The following GALNT13 variants were observed in gnomAD, a reference collection of about 807,000 sequenced individuals.
The protein encoded by GALNT13 is polypeptide N-acetylgalactosaminyltransferase 13, also known as UDP-GalNAc:polypeptide N-acetylgalactosaminyltransferase 13.
In GALNT13, 28 loss-of-function variants were observed where a neutral mutation model predicts 64.2. The observed-to-expected ratio is 0.44, with a 90% CI of 0.32 to 0.60. The LOEUF is 0.60. Among genes scored for constraint, GALNT13 ranks in the 20% least tolerant of loss-of-function variants. The pLI, the probability that GALNT13 is intolerant of heterozygous loss-of-function variation, is 0.05. For synonymous variants in GALNT13, 214 were observed against 224.6 expected (o/e 0.95, Z 0.42); for missense variants, 577 against 669.8 (o/e 0.86, Z 1.53).
At chr2:154,398,514 T>C (rs189344668) in intron 10 of GALNT13, among the ~76,000 whole-genome samples, 3 of 131,940 alleles carry the variant, frequency 2.3e-5, no homozygotes, top group African/African-American at 9.2e-5. Context: ...AGCTATCTTC[T>C]AAATGGATCA....
intron 2 of GALNT13, among the ~76,000 whole-genome samples, chr2:153,932,936 CT>C (rs1194504201): frequency 1.3e-5 from 2 of 151,962 alleles, no homozygotes; most frequent in Non-Finnish European, 1.5e-5. Flanking sequence ...CCCGACAGAT[CT>C]TCTTAGTTTT....
At chr2:153,150,854 CA>C in the GALNT13 span, among the ~76,000 whole-genome samples, 1 of 152,066 alleles carries the variant, frequency 6.6e-6, no homozygotes, top group Non-Finnish European at 1.5e-5. Context: ...GTATCAGTAC[CA>C]TGCTATTTTA....
chr2:153,752,564 A>ACT, the GALNT13 span, among the ~76,000 whole-genome samples: 1 of 151,692 alleles, frequency 6.6e-6, no homozygotes, highest in Non-Finnish European at 1.5e-5. Context: ...ATGTCATGCC[A>ACT]CTCTCTCTCT....
the GALNT13 span, among the ~76,000 whole-genome samples, chr2:153,396,081 G>C: frequency 2.6e-5 from 4 of 152,030 alleles, no homozygotes; most frequent in Non-Finnish European, 4.4e-5. Flanking sequence ...TACAAAATCA[G>C]GCAGCAGGCT....
intron 3 of GALNT13, 127 bp from the exon 4 acceptor site, chr2:154,140,210 G>A: frequency 1.6e-6 from 1 of 638,514 alleles, no homozygotes. Context: ...GTAAAATCTT[G>A]ATCATTATAT....
chr2:153,719,290 G>A, the GALNT13 span, among the ~76,000 whole-genome samples: 15 of 152,110 alleles, frequency 9.9e-5, no homozygotes, highest in Non-Finnish European at 1.9e-4. Context: ...CTTATCTATA[G>A]TCCCCTCTAA....
the GALNT13 span, among the ~76,000 whole-genome samples, chr2:153,758,079 C>T: frequency 6.6e-6 from 1 of 152,014 alleles, no homozygotes; most frequent in Non-Finnish European, 1.5e-5. Context: ...ATAGTTTTCC[C>T]CTGTTCTTTT....
intron 1 of GALNT13, among the ~76,000 whole-genome samples, chr2:153,898,836 T>C (rs1688043251): frequency 6.9e-6 from 1 of 144,926 alleles, no homozygotes; most frequent in Non-Finnish European, 1.5e-5. Flanking sequence ...TAAAGGTAAA[T>C]TCTTCCTCCA....
chr2:154,415,870 C>CT (rs34183306), intron 11 of GALNT13, among the ~76,000 whole-genome samples: 1 of 152,044 alleles, frequency 6.6e-6, no homozygotes, highest in Non-Finnish European at 1.5e-5. Context: ...AATTTGGTCC[C>CT]TTTTTAGTAG....
At chr2:154,342,925 T>G (rs574473598) in intron 9 of GALNT13, among the ~76,000 whole-genome samples, 1 of 152,110 alleles carries the variant, frequency 6.6e-6, no homozygotes, top group South Asian at 2.1e-4. Context: ...TTCATTTGCC[T>G]GAGGTAAGCT....
the GALNT13 span, among the ~76,000 whole-genome samples, chr2:153,709,468 A>T: frequency 6.6e-6 from 1 of 152,082 alleles, no homozygotes; most frequent in Non-Finnish European, 1.5e-5. Flanking sequence ...AGAATTAGCT[A>T]TTATTAAAAA....
chr2:153,161,459 A>G, the GALNT13 span, among the ~76,000 whole-genome samples: 2 of 152,210 alleles, frequency 1.3e-5, no homozygotes, highest in African/African-American at 4.8e-5. Context: ...TAAATTTTAT[A>G]ATATTTAAAA....
intron 11 of GALNT13, among the ~76,000 whole-genome samples, chr2:154,424,620 G>A (rs116089549): frequency 2.7e-4 from 41 of 152,294 alleles, no homozygotes; most frequent in African/African-American, 9.6e-4. Flanking sequence ...GCTGAGGGCA[G>A]ATGATGTATA....
intron 11 of GALNT13, among the ~76,000 whole-genome samples, chr2:154,419,659 T>G (rs1700167097): frequency 6.6e-6 from 1 of 152,144 alleles, no homozygotes; most frequent in Admixed American, 6.6e-5. Flanking sequence ...GTTATATGAT[T>G]CCTTGTGTCC....
intron 3 of GALNT13, among the ~76,000 whole-genome samples, chr2:153,986,101 A>C (rs147161229): frequency 8.5e-4 from 130 of 152,160 alleles, no homozygotes; most frequent in Non-Finnish European, 1.5e-3. Context: ...TCTGGCAGTA[A>C]AAAGACTGTA....
intron 11 of GALNT13, among the ~76,000 whole-genome samples, chr2:154,430,467 G>A (rs376528356): frequency 6.6e-6 from 1 of 152,148 alleles, no homozygotes; most frequent in Non-Finnish European, 1.5e-5. Context: ...GCACTCTCAA[G>A]CTAAAACTTT....
chr2:154,151,547 A>G (rs541239470), intron 4 of GALNT13, among the ~76,000 whole-genome samples: 9 of 152,212 alleles, frequency 5.9e-5, no homozygotes, highest in African/African-American at 1.7e-4. Context: ...GTCTCCCACT[A>G]TTATTGTGTG....
At chr2:153,375,874 A>G in the GALNT13 span, among the ~76,000 whole-genome samples, 2 of 152,192 alleles carry the variant, frequency 1.3e-5, no homozygotes, top group Admixed American at 6.5e-5. Flanking sequence ...TGCAAGCTGT[A>G]CAAGAAGCGT....
chr2:153,522,558 C>G, the GALNT13 span, among the ~76,000 whole-genome samples: 12,274 of 152,154 alleles, frequency 0.081, 611 homozygotes, highest in Middle Eastern at 0.15. Context: ...TTTTGACCAT[C>G]CTAAAAGGAG....
Sources: allele counts gnomAD v4.1 joint callset (sites outside exome capture counted in the v4.1 genomes callset), GRCh38; gene constraint gnomAD v4.1.1; transcripts MANE v1.5; gene names NCBI Gene and HGNC (gene_info 2026-07-23, HGNC 2026-07-21).